The following KCNIP3 variants were observed in gnomAD, a reference collection of about 807,000 sequenced individuals.
The protein encoded by KCNIP3 is calsenilin.
KCNIP3 carries 28 observed loss-of-function variants against 35.0 expected under a neutral mutation model. The ratio of observed to expected loss-of-function variants is 0.80; its 90% CI spans 0.59 to 1.10. The LOEUF (loss-of-function observed/expected upper bound fraction) is 1.10, where lower values mean the gene tolerates loss of function less well. KCNIP3 is among the 50% of genes least tolerant of loss of function. KCNIP3 has a pLI of 0.00. For synonymous variants in KCNIP3, 134 were observed against 133.8 expected (o/e 1.00, Z -0.01); for missense variants, 295 against 338.4 (o/e 0.87, Z 1.01).
At chr2:95,334,275 C>T (rs891873840) in intron 2 of KCNIP3, among the ~76,000 whole-genome samples, 1 of 152,118 alleles carries the variant, frequency 6.6e-6, no homozygotes, top group Non-Finnish European at 1.5e-5. Context: ...AGAATAGCAC[C>T]GCACTAGTTA....
intron 2 of KCNIP3, among the ~76,000 whole-genome samples, chr2:95,329,352 A>C (rs1159099681): frequency 6.6e-6 from 1 of 152,188 alleles, no homozygotes; most frequent in Non-Finnish European, 1.5e-5. Flanking sequence ...GCAGAGGCCC[A>C]TGCATCTCCC....
At chr2:95,330,264 T>G (rs1273974380) in intron 2 of KCNIP3, among the ~76,000 whole-genome samples, 1 of 152,148 alleles carries the variant, frequency 6.6e-6, no homozygotes, top group African/African-American at 2.4e-5. Flanking sequence ...TGGACAGGCC[T>G]CAGCCCAGAC....
At chr2:95,339,131 G>T (rs1021252976) in intron 2 of KCNIP3, among the ~76,000 whole-genome samples, 2 of 152,200 alleles carry the variant, frequency 1.3e-5, no homozygotes, top group African/African-American at 4.8e-5. Context: ...AAGGAGCTGG[G>T]AGTTAGTGCA....
intron 2 of KCNIP3, among the ~76,000 whole-genome samples, chr2:95,336,331 C>A (rs535339906): frequency 6.6e-6 from 1 of 152,338 alleles, no homozygotes; most frequent in South Asian, 2.1e-4. Flanking sequence ...TATAACAAAG[C>A]CCAGACTCCG....
chr2:95,343,550 G>A (rs1679270431), intron 2 of KCNIP3, among the ~76,000 whole-genome samples: 1 of 152,096 alleles, frequency 6.6e-6, no homozygotes, highest in East Asian at 1.9e-4. Flanking sequence ...GCCCTTATGA[G>A]TCAGGAGACC....
chr2:95,344,274 T>TC (rs1558768992), intron 2 of KCNIP3, among the ~76,000 whole-genome samples: 3 of 129,816 alleles, frequency 2.3e-5, no homozygotes, highest in Admixed American at 7.9e-5. Flanking sequence ...GGTGGCGGGG[T>TC]GGGGGGGGGC....
At chr2:95,342,185 C>T (rs749471503) in intron 2 of KCNIP3, among the ~76,000 whole-genome samples, 3 of 152,062 alleles carry the variant, frequency 2.0e-5, no homozygotes, top group African/African-American at 7.2e-5. Flanking sequence ...AGGAGGGGCC[C>T]GGCCATGGGG....
chr2:95,342,710 T>A (rs1008087259), intron 2 of KCNIP3, among the ~76,000 whole-genome samples: 2 of 152,186 alleles, frequency 1.3e-5, no homozygotes, highest in African/African-American at 4.8e-5. Flanking sequence ...TTATCTACTA[T>A]AATCGCCTGC....
At chr2:95,369,249 G>A (rs1679986461) in intron 2 of KCNIP3, among the ~76,000 whole-genome samples, 1 of 152,124 alleles carries the variant, frequency 6.6e-6, no homozygotes, top group Non-Finnish European at 1.5e-5. Context: ...GACTATTAAT[G>A]TGGTGGATTA....
intron 2 of KCNIP3, among the ~76,000 whole-genome samples, chr2:95,366,140 C>G (rs535809510): frequency 6.6e-6 from 1 of 152,070 alleles, no homozygotes; most frequent in African/African-American, 2.4e-5. Context: ...ACCACCACAC[C>G]GGGCACCTGG....
At chr2:95,360,161 AG>A (rs1679756344) in intron 2 of KCNIP3, among the ~76,000 whole-genome samples, 1 of 149,984 alleles carries the variant, frequency 6.7e-6, no homozygotes, top group Admixed American at 6.7e-5. Flanking sequence ...TCCATACTCC[AG>A]TCTGGGCAAC....
intron 2 of KCNIP3, among the ~76,000 whole-genome samples, chr2:95,363,584 C>T (rs538917577): frequency 6.6e-6 from 1 of 152,186 alleles, no homozygotes; most frequent in Non-Finnish European, 1.5e-5. Context: ...TCTCCATATA[C>T]ATTTCAGTGT....
At chr2:95,374,669 C>T (rs1680128722) in intron 3 of KCNIP3, among the ~76,000 whole-genome samples, 179 bp from the exon 4 acceptor site, 1 of 152,174 alleles carries the variant, frequency 6.6e-6, no homozygotes, top group African/African-American at 2.4e-5. Context: ...CTATTCACCC[C>T]TCCTCCCTCT....
chr2:95,355,624 C>T (rs1679638873), intron 2 of KCNIP3, among the ~76,000 whole-genome samples: 1 of 152,134 alleles, frequency 6.6e-6, no homozygotes, highest in African/African-American at 2.4e-5. Flanking sequence ...TGATAGTTTG[C>T]TGAGAACGAT....
chr2:95,383,452 A>G (rs1161282376), intron 8 of KCNIP3, among the ~76,000 whole-genome samples, 158 bp downstream of exon 8: 1 of 151,954 alleles, frequency 6.6e-6, no homozygotes, highest in African/African-American at 2.4e-5. Context: ...GACAGCCCCA[A>G]GCTCCACTTG....
intron 2 of KCNIP3, among the ~76,000 whole-genome samples, chr2:95,346,125 C>A (rs559214417): frequency 6.6e-6 from 1 of 152,360 alleles, no homozygotes; most frequent in African/African-American, 2.4e-5. Context: ...AGACCAACTT[C>A]TGCATTTTCA....
At chr2:95,325,940 T>C (rs1166410668) in intron 2 of KCNIP3, among the ~76,000 whole-genome samples, 4 of 140,800 alleles carry the variant, frequency 2.8e-5, no homozygotes, top group South Asian at 2.3e-4. Context: ...CACATACACA[T>C]ACACACTCAC....
At chr2:95,301,118 G>A (rs1388863150) in intron 1 of KCNIP3, among the ~76,000 whole-genome samples, 1 of 96,538 alleles carries the variant, frequency 1.0e-5, no homozygotes. Flanking sequence ...ACTCTGGACA[G>A]TGCTCCAGAG....
At chr2:95,330,063 G>A (rs1264923669) in intron 2 of KCNIP3, among the ~76,000 whole-genome samples, 1 of 152,204 alleles carries the variant, frequency 6.6e-6, no homozygotes, top group African/African-American at 2.4e-5. Flanking sequence ...ACCTCCGGCC[G>A]CAGCCACCGC....
Sources: gnomAD v4.1 joint callset for allele counts (sites outside exome capture counted in the v4.1 genomes callset) on GRCh38, gnomAD v4.1.1 for gene constraint, MANE v1.5 for transcripts, NCBI Gene and HGNC (gene_info 2026-07-23, HGNC 2026-07-21) for gene names.